Variants in NSUN6 observed in about 807,000 individuals in gnomAD.
NSUN6 encodes the protein NOP2/Sun RNA methyltransferase 6.
Under a neutral mutation model 58.0 loss-of-function variants are expected in NSUN6, and 64 were observed. That is an observed-to-expected ratio of 1.10 (90% confidence interval 0.90 to 1.36). The LOEUF is 1.36. NSUN6 is among the 40% of genes most tolerant of loss of function. The pLI is 0.00. For missense variants in NSUN6, 701 were observed against 550.1 expected (o/e 1.27, Z -2.74); for synonymous variants, 231 against 193.9 (o/e 1.19, Z -1.59).
At chr10:18,611,847 G>A (rs1253870649) in intron 5 of NSUN6, among the ~76,000 whole-genome samples, 5 of 152,152 alleles carry the variant, frequency 3.3e-5, no homozygotes, top group East Asian at 1.9e-4. Flanking sequence ...CTGGAATAAC[G>A]GGTATGAGCC....
rs139720667 is a variant in NSUN6, at chr10:18,552,711, G to A, written c.923-740C>T. On this transcript the variant is annotated intron_variant, in intron 8 of 10. Transcript: ENST00000377304. The stretch of plus-strand genomic sequence containing the variant: ...CATTCCCCATTCCATTCCATTCTGC[G>A]TTCCATTCCATTCTCCATTCCACTC... Among the ~76,000 whole-genome samples, 309 of 127,154 alleles carry A rather than the reference G, an allele frequency of 2.4e-3. 4 individuals carry two copies. In the South Asian group the frequency reaches 0.04, roughly 17 times the overall value. The allele number at this position is 127,154 out of a possible 152,430, so 83.4% of individuals were successfully genotyped here. A position where few individuals can be genotyped will look rare whatever the true frequency, so the allele number is the denominator to read the frequency against.
At chr10:18,574,288 C>T (rs2056542240) in intron 8 of NSUN6, among the ~76,000 whole-genome samples, 4 of 152,020 alleles carry the variant, frequency 2.6e-5, no homozygotes, top group Admixed American at 2.6e-4. Flanking sequence ...CAAGTTAGAA[C>T]TACGTTAACC....
intron 3 of NSUN6, among the ~76,000 whole-genome samples, chr10:18,640,959 G>A (rs573882497): frequency 6.6e-6 from 1 of 151,704 alleles, no homozygotes; most frequent in East Asian, 1.9e-4. Context: ...TTAAAAGGTG[G>A]GTATGTTACA....
chr10:18,551,244 T>TTGTGTGTGTGTGTGTGTGTGTGTGTG (rs35396134), intron 9 of NSUN6, among the ~76,000 whole-genome samples: 2 of 127,080 alleles, frequency 1.6e-5, no homozygotes, highest in African/African-American at 3.0e-5. Flanking sequence ...GTCCTCTCAG[T>TTGTGTGTGTGTGTGTGTGTGTGTGTG]TGTGTGTGTG....
At chr10:18,633,407 G>A (rs1484737211) in intron 3 of NSUN6, among the ~76,000 whole-genome samples, 1 of 138,012 alleles carries the variant, frequency 7.2e-6, no homozygotes, top group Admixed American at 7.8e-5. Context: ...AAAACTTAAA[G>A]TATAATAATA....
At chr10:18,590,517 C>A (rs540615775) in intron 7 of NSUN6, among the ~76,000 whole-genome samples, 7 of 152,190 alleles carry the variant, frequency 4.6e-5, no homozygotes, top group Admixed American at 1.3e-4. Flanking sequence ...TAAAACACTC[C>A]TCAGCAAATG....
intron 8 of NSUN6, among the ~76,000 whole-genome samples, chr10:18,568,293 C>A (rs2056111176): frequency 6.6e-6 from 1 of 151,186 alleles, no homozygotes; most frequent in Non-Finnish European, 1.5e-5. Context: ...TTTTCCATTC[C>A]AGTTCATTCT....
chr10:18,599,086 G>A (rs541011590), intron 6 of NSUN6, among the ~76,000 whole-genome samples: 2 of 152,302 alleles, frequency 1.3e-5, no homozygotes, highest in East Asian at 3.9e-4. Context: ...CACACAGGCT[G>A]CAGTGCAGTG....
intron 3 of NSUN6, among the ~76,000 whole-genome samples, chr10:18,634,975 T>A (rs1048015908): frequency 1.3e-5 from 2 of 152,160 alleles, no homozygotes; most frequent in African/African-American, 4.8e-5. Context: ...ACATAAAACC[T>A]TCCCTAATGA....
At chr10:18,656,857 C>G (rs1590217959), upstream of NSUN6, among the ~76,000 whole-genome samples, 1 of 117,566 alleles carries the variant, frequency 8.5e-6, no homozygotes, top group East Asian at 2.9e-4. Context: ...CAGACAGGGT[C>G]TCACTGTCAC....
At chr10:18,628,118 C>T (rs10829040) in intron 3 of NSUN6, among the ~76,000 whole-genome samples, 53,407 of 151,946 alleles carry the variant, frequency 0.35, 9,895 homozygotes, top group East Asian at 0.74. Flanking sequence ...AGCAGCCTAA[C>T]TGGGAGGCAC....
intron 3 of NSUN6, among the ~76,000 whole-genome samples, chr10:18,637,210 C>G (rs1226508733): frequency 6.6e-6 from 1 of 152,010 alleles, no homozygotes; most frequent in Non-Finnish European, 1.5e-5. Context: ...TGATCCACCC[C>G]CCTGGGCCTC....
intron 8 of NSUN6, among the ~76,000 whole-genome samples, chr10:18,552,923 GACTCTC>G (rs1318355813): frequency 1.1e-4 from 13 of 121,816 alleles, no homozygotes; most frequent in Non-Finnish European, 1.9e-4. Flanking sequence ...CACTACACTC[GACTCTC>G]CATTCCATTC....
chr10:18,605,310 T>G (rs758709037), intron 6 of NSUN6, among the ~76,000 whole-genome samples: 5 of 152,050 alleles, frequency 3.3e-5, no homozygotes, highest in Admixed American at 6.6e-5. Flanking sequence ...AATAATTAAA[T>G]ATAGTAATGA....
At chr10:18,584,733 T>C (rs2057050831) in intron 8 of NSUN6, among the ~76,000 whole-genome samples, 1 of 151,902 alleles carries the variant, frequency 6.6e-6, no homozygotes, top group Admixed American at 6.6e-5. Flanking sequence ...AGATACATCA[T>C]CGTAAAAATG....
chr10:18,549,416 C>G (rs779900049), intron 9 of NSUN6, among the ~76,000 whole-genome samples: 5 of 152,134 alleles, frequency 3.3e-5, no homozygotes, highest in Non-Finnish European at 7.4e-5. Context: ...GTCACGTTCC[C>G]GGGCACTCTG....
chr10:18,579,599 G>A (rs1025965496), intron 8 of NSUN6, among the ~76,000 whole-genome samples: 2 of 152,212 alleles, frequency 1.3e-5, no homozygotes, highest in Admixed American at 1.3e-4. Flanking sequence ...CCATGACACA[G>A]CCTCAGAAAG....
chr10:18,563,195 G>C (rs1473412180), intron 8 of NSUN6, among the ~76,000 whole-genome samples: 1 of 148,486 alleles, frequency 6.7e-6, no homozygotes, highest in Non-Finnish European at 1.5e-5. Flanking sequence ...GGTATGGAAT[G>C]GAATGGAGAA....
At chr10:18,579,674 G>C (rs991415103) in intron 8 of NSUN6, among the ~76,000 whole-genome samples, 13 of 152,148 alleles carry the variant, frequency 8.5e-5, no homozygotes, top group Non-Finnish European at 1.5e-5. Flanking sequence ...AGGGAGACAT[G>C]AGACATCAAT....
Sources: allele counts gnomAD v4.1 joint callset (sites outside exome capture counted in the v4.1 genomes callset), GRCh38; gene constraint gnomAD v4.1.1; transcripts MANE v1.5; gene names NCBI Gene and HGNC (gene_info 2026-07-23, HGNC 2026-07-21).